CDYL2: variants seen among roughly 807,000 people sequenced by gnomAD.
CDYL2 encodes the protein chromodomain Y-like protein 2.
CDYL2 carries 23 observed loss-of-function variants against 49.4 expected under a neutral mutation model. The observed-to-expected ratio is 0.47, with a 90% CI of 0.34 to 0.66. CDYL2 has a LOEUF of 0.66. Ranked by LOEUF, CDYL2 falls within the 30% of genes least tolerant of loss-of-function variation. The pLI is 0.01. For synonymous variants in CDYL2, 360 were observed against 268.8 expected, an observed-to-expected ratio of 1.34 and a Z score of -3.32; for missense variants, 678 against 656.4, an observed-to-expected ratio of 1.03 and a Z score of -0.36.
intron 1 of CDYL2, among the ~76,000 whole-genome samples, chr16:80,712,193 A>G (rs867169359): frequency 1.4e-4 from 15 of 105,932 alleles, no homozygotes; most frequent in South Asian, 3.0e-4. Flanking sequence ...CTGTGTGTGT[A>G]TATATATATA....
At chr16:80,645,369 A>C (rs1255916167) in intron 2 of CDYL2, among the ~76,000 whole-genome samples, 2 of 152,198 alleles carry the variant, frequency 1.3e-5, no homozygotes, top group East Asian at 3.9e-4. Flanking sequence ...ATGCAGCCAA[A>C]AGACATATGA....
At chr16:80,728,476 G>A (rs1287931341) in intron 1 of CDYL2, among the ~76,000 whole-genome samples, 2 of 152,154 alleles carry the variant, frequency 1.3e-5, no homozygotes, top group Non-Finnish European at 1.5e-5. Context: ...TCTGATTGGT[G>A]TACCTGAAAG....
At position 80,684,987 on chromosome 16, in the gene CDYL2, T is replaced by C. The variant is rs765533695; in HGVS notation, c.167A>G (p.Asn56Ser). ...LHCEEFIDEF[N>S]GLHMSKDKRI... is the part of the protein sequence containing the mutation. ...CTTGTCCTTGGACATGTGCAACCCA[T>C]TGAATTCATCAATAAACTCCTCACA... Residue 56 changes from asparagine to serine, a missense_variant, in exon 2 of 7, where the codon AAT becomes AGT. Physicochemically the swap from Asn to Ser is conservative, Grantham distance 46. Transcript: ENST00000570137. 2.5e-6 allele frequency: 4 copies of C among 1,614,036 alleles called. No homozygotes were observed. Among genetic ancestry groups the C allele is most frequent in the Admixed American group, 1.7e-5 (1 of 59,994 alleles).
intron 4 of CDYL2, among the ~76,000 whole-genome samples, chr16:80,618,987 G>C (rs1481074989): frequency 6.6e-6 from 1 of 152,204 alleles, no homozygotes; most frequent in Admixed American, 6.5e-5. Context: ...CTGGAGACCA[G>C]AACTCCAAAC....
chr16:80,702,183 A>AACACGC (rs1555531306), intron 1 of CDYL2, among the ~76,000 whole-genome samples: 40 of 142,864 alleles, frequency 2.8e-4, no homozygotes, highest in African/African-American at 1.0e-3. Flanking sequence ...GAAGGCCTAA[A>AACACGC]ACACACACAC....
chr16:80,697,174 C>A (rs894461011), intron 1 of CDYL2, among the ~76,000 whole-genome samples: 7 of 152,122 alleles, frequency 4.6e-5, no homozygotes, highest in South Asian at 2.1e-4. Context: ...AAATCCTCAA[C>A]AAAGAATACA....
chr16:80,659,743 G>C (rs570947222), intron 2 of CDYL2, among the ~76,000 whole-genome samples: 16 of 151,988 alleles, frequency 1.1e-4, no homozygotes, highest in Non-Finnish European at 2.1e-4. Flanking sequence ...AAAATAAAAA[G>C]TTAAATATAT....
Position 80,751,836 on chromosome 16 carries a change from G to A in CDYL2, c.24+52314C>T, listed in dbSNP as rs371492894. On this transcript the variant is annotated intron_variant, in intron 1 of 6. Coordinates refer to ENST00000570137, the MANE Select transcript of CDYL2 (RefSeq NM_152342.4). Reference sequence around the variant, plus strand: ...TGAACCTTACAAAGACTGAAAACCGGCTTCCGTCTCTGATTGAACTGAAAG... The same window carrying A: ...TGAACCTTACAAAGACTGAAAACCGACTTCCGTCTCTGATTGAACTGAAAG... 6.6e-5 allele frequency among the ~76,000 whole-genome samples: 10 copies of A among 152,264 alleles called. No individual in the cohort carries two copies. In the South Asian group the frequency reaches 8.3e-4, roughly 13 times the overall value.
intron 1 of CDYL2, among the ~76,000 whole-genome samples, chr16:80,750,132 G>A (rs376718768): frequency 1.3e-5 from 2 of 152,062 alleles, no homozygotes; most frequent in South Asian, 2.1e-4. Context: ...TATACCTAAT[G>A]TAAATGACAA....
intron 1 of CDYL2, among the ~76,000 whole-genome samples, chr16:80,743,901 A>G (rs548049311): frequency 6.6e-6 from 1 of 152,240 alleles, no homozygotes; most frequent in Admixed American, 6.5e-5. Context: ...TAAGTGGTAA[A>G]GAGATCACTT....
rs73591092 is a variant in CDYL2 at position 80,670,721 on chromosome 16, C to A, written c.616+13817G>T. On this transcript the variant is annotated intron_variant, in intron 2 of 6. Transcript: ENST00000570137. ...CCAGGCTCATTTTGCCCCAGGGTCT[C>A]GATTTTCTTTCTGGGACAGGATGAA... is the stretch of plus-strand genomic sequence containing the variant. Among the ~76,000 whole-genome samples, 11 of 152,106 alleles carry A rather than the reference C, an allele frequency of 7.2e-5. No homozygotes were observed. In the East Asian group the frequency reaches 2.1e-3, roughly 30 times the overall value.
intron 2 of CDYL2, chr16:80,662,616 C>G (rs1909093207): frequency 2.4e-6 from 1 of 408,672 alleles, no homozygotes; most frequent in Admixed American, 2.6e-5. Flanking sequence ...AGCTTACAGT[C>G]TGATTCAGAA....
intron 1 of CDYL2, among the ~76,000 whole-genome samples, chr16:80,693,551 A>G (rs1022557718): frequency 1.4e-4 from 22 of 152,228 alleles, no homozygotes; most frequent in Non-Finnish European, 2.5e-4. Context: ...TTCAACAAGA[A>G]AACAGATAAA....
intron 4 of CDYL2, among the ~76,000 whole-genome samples, chr16:80,616,950 G>C (rs1349335927): frequency 6.6e-6 from 1 of 152,214 alleles, no homozygotes; most frequent in African/African-American, 2.4e-5. Flanking sequence ...CCACCAGCAA[G>C]TGCAGAGGCA....
chr16:80,673,753 C>G (rs1909627512), intron 2 of CDYL2, among the ~76,000 whole-genome samples: 1 of 152,118 alleles, frequency 6.6e-6, no homozygotes, highest in Non-Finnish European at 1.5e-5. Context: ...GAATGTGGTA[C>G]CTGACATGGC....
At chr16:80,774,540 G>T (rs1567602926) in intron 1 of CDYL2, among the ~76,000 whole-genome samples, 1 of 151,996 alleles carries the variant, frequency 6.6e-6, no homozygotes, top group Non-Finnish European at 1.5e-5. Flanking sequence ...TGCTAAAATA[G>T]ATCTTTAATG....
chr16:80,619,975 G>A (rs1907004500), intron 4 of CDYL2, among the ~76,000 whole-genome samples: 3 of 152,256 alleles, frequency 2.0e-5, no homozygotes, highest in South Asian at 2.1e-4. Context: ...CTGAGGCTCC[G>A]TGACACCATG....
chr16:80,792,024 A>G (rs1309754074), intron 1 of CDYL2, among the ~76,000 whole-genome samples: 1 of 152,198 alleles, frequency 6.6e-6, no homozygotes. Context: ...TGCTGATTCA[A>G]TAGAACACAC....
rs549123314 is a variant in CDYL2 at position 80,792,256 on chromosome 16, A to G, written c.24+11894T>C. ...CAATCATCCATACAATCACTATAGT[A>G]CAATGAAAGAACAGAAGAACCCTGG... On this transcript the variant is annotated intron_variant, in intron 1 of 6. Transcript: ENST00000570137. Among the ~76,000 whole-genome samples, 3 of 152,352 alleles carry G rather than the reference A, an allele frequency of 2.0e-5. No homozygotes were observed. The South Asian group carries it at 6.2e-4, about 32-fold the overall frequency.
Sources: gnomAD v4.1 joint callset for allele counts (sites outside exome capture counted in the v4.1 genomes callset) on GRCh38, gnomAD v4.1.1 for gene constraint, MANE v1.5 for transcripts, NCBI Gene and HGNC (gene_info 2026-07-23, HGNC 2026-07-21) for gene names.